The following MGMT variants were observed in gnomAD, a reference collection of about 807,000 sequenced individuals.
MGMT encodes methylated-DNA--protein-cysteine methyltransferase.
A neutral mutation model predicts 15.9 loss-of-function variants in MGMT; 14 were observed. The observed-to-expected ratio is 0.88, with a 90% CI of 0.58 to 1.37. The LOEUF is 1.37. MGMT is among the 40% of genes most tolerant of loss of function. The probability of loss-of-function intolerance (pLI) is 0.00; values close to 1 mark genes in which losing one functional copy is unlikely to be tolerated. For missense variants in MGMT, 282 were observed against 268.1 expected, an observed-to-expected ratio of 1.05 and a Z score of -0.36; for synonymous variants, 130 against 118.2, an observed-to-expected ratio of 1.10 and a Z score of -0.65.
intron 2 of MGMT, among the ~76,000 whole-genome samples, chr10:129,564,945 G>A (rs1396411710): frequency 1.3e-5 from 2 of 152,108 alleles, no homozygotes; most frequent in African/African-American, 2.4e-5. Context: ...GCTGGCGGAT[G>A]GCGCCATAAA....
chr10:129,523,544 G>T (rs1017409441), intron 1 of MGMT, among the ~76,000 whole-genome samples: 10 of 152,190 alleles, frequency 6.6e-5, no homozygotes, highest in African/African-American at 2.2e-4. Context: ...AGCCCATGCT[G>T]CTGGGAGGGC....
chr10:129,495,202 T>A (rs1189975206), intron 1 of MGMT, among the ~76,000 whole-genome samples: 2 of 152,242 alleles, frequency 1.3e-5, no homozygotes, highest in Non-Finnish European at 1.5e-5. Flanking sequence ...ATGAGACTAA[T>A]TATTTGAATT....
intron 2 of MGMT, among the ~76,000 whole-genome samples, chr10:129,697,734 G>A (rs990837920): frequency 2.4e-4 from 36 of 152,306 alleles, no homozygotes; most frequent in African/African-American, 8.7e-4. Flanking sequence ...GAGGCGCCAT[G>A]TTGCCTGGAA....
chr10:129,533,998 G>A lies in MGMT; in HGVS notation c.-12-2243G>A, dbSNP rs960622808. ...GGGTTGGGCTAAAATGTTGATCATG[G>A]TGGGAACAGTAGTGATCCCCAAATC... On this transcript the variant is annotated intron_variant, in intron 1 of 4. Transcript: ENST00000651593. This position sits in a 1 kb window ranked among gnomAD's most constrained non-coding sequence, Gnocchi z 4.5. Among the ~76,000 whole-genome samples the A allele has an allele frequency of 2.0e-5, 3 of 152,192 alleles. No homozygotes were observed. Among genetic ancestry groups the A allele is most frequent in the Non-Finnish European group, 4.4e-5 (3 of 68,046 alleles).
chr10:129,615,529 T>A (rs1847014955), intron 2 of MGMT, among the ~76,000 whole-genome samples: 2 of 152,334 alleles, frequency 1.3e-5, no homozygotes, highest in South Asian at 4.1e-4. Flanking sequence ...CCTTAGGACT[T>A]CTGAATCTGC....
intron 1 of MGMT, among the ~76,000 whole-genome samples, chr10:129,468,024 G>A (rs1845189233): frequency 6.6e-6 from 1 of 152,170 alleles, no homozygotes; most frequent in African/African-American, 2.4e-5. Context: ...TGCAACCTAT[G>A]CCTGCTGAGA....
chr10:129,527,422 G>A (rs116497846), intron 1 of MGMT, among the ~76,000 whole-genome samples: 10 of 152,176 alleles, frequency 6.6e-5, no homozygotes, highest in Admixed American at 6.5e-4. Flanking sequence ...GGGGCTGCCC[G>A]CTTTCCTTTG....
Position 129,768,457 on chromosome 10 carries a change from G to A in MGMT, c.*1460G>A, listed in dbSNP as rs1316929110. ...TTGCTCCTGGCAGGCCTCAGGTGCCGCACGCCGCGTCACCGTCAGGACTCG... is the reference window on the plus strand; with the variant it reads ...TTGCTCCTGGCAGGCCTCAGGTGCCACACGCCGCGTCACCGTCAGGACTCG... On this transcript the variant is annotated 3_prime_UTR_variant, in exon 5 of 5. Coordinates refer to ENST00000651593, the MANE Select transcript of MGMT (RefSeq NM_002412.5). Among the ~76,000 whole-genome samples the A allele has an allele frequency of 1.3e-5, 2 of 152,232 alleles. No homozygotes were observed. The highest frequency in any genetic ancestry group is 4.8e-5 in the African/African-American group (2 of 41,474).
rs962728556 is a variant in MGMT at position 129,667,194 on chromosome 10, G to A, written c.126-40701G>A. Among the ~76,000 whole-genome samples, 6 of 152,184 alleles carry A rather than the reference G, an allele frequency of 3.9e-5. No homozygotes were observed. The East Asian group carries it at 7.7e-4, about 20-fold the overall frequency. ...TGGCGGCCCCTCAGAACTCTGCCAC[G>A]TGTTTCTTCCCATCTTTTCCTGCTG... On this transcript the variant is annotated intron_variant, in intron 2 of 4. Coordinates refer to ENST00000651593, the MANE Select transcript of MGMT (RefSeq NM_002412.5).
At chr10:129,554,643 T>G (rs1165176157) in intron 2 of MGMT, among the ~76,000 whole-genome samples, 1 of 152,198 alleles carries the variant, frequency 6.6e-6, no homozygotes, top group Non-Finnish European at 1.5e-5. Context: ...CTTTTTTGTC[T>G]GTAACACCCC....
chr10:129,543,693 A>G (rs557938839), intron 2 of MGMT, among the ~76,000 whole-genome samples: 46 of 152,292 alleles, frequency 3.0e-4, no homozygotes, highest in African/African-American at 8.7e-4. Flanking sequence ...ATCTAAGAAA[A>G]AAAAAAGCAA....
At chr10:129,596,365 T>TA (rs1361134844) in intron 2 of MGMT, among the ~76,000 whole-genome samples, 6 of 152,228 alleles carry the variant, frequency 3.9e-5, no homozygotes, top group Non-Finnish European at 7.3e-5. Flanking sequence ...GTTCATAAAT[T>TA]GTTTATAAAT....
At chr10:129,720,242 G>C (rs184938387) in intron 3 of MGMT, among the ~76,000 whole-genome samples, 1 of 152,352 alleles carries the variant, frequency 6.6e-6, no homozygotes, top group Non-Finnish European at 1.5e-5. Context: ...TCACTGTTAA[G>C]CTCTAGGCCA....
chr10:129,545,665 G>T (rs564844936), intron 2 of MGMT, among the ~76,000 whole-genome samples: 8 of 152,098 alleles, frequency 5.3e-5, no homozygotes, highest in Non-Finnish European at 1.0e-4. Flanking sequence ...ACAACCGTCT[G>T]GCCTCTACGA....
intron 3 of MGMT, among the ~76,000 whole-genome samples, chr10:129,748,881 T>C (rs897480679): frequency 6.6e-6 from 1 of 152,208 alleles, no homozygotes; most frequent in African/African-American, 2.4e-5. Flanking sequence ...AAGCCCAGTA[T>C]ACATATAGAA....
At chr10:129,673,476 CTT>C (rs1847749375) in intron 2 of MGMT, among the ~76,000 whole-genome samples, 1 of 152,170 alleles carries the variant, frequency 6.6e-6, no homozygotes, top group Admixed American at 6.5e-5. Context: ...GTTAAGGTGT[CTT>C]CCTCGCAGTG....
chr10:129,620,196 T>A (rs1280089980), intron 2 of MGMT, among the ~76,000 whole-genome samples: 1 of 152,264 alleles, frequency 6.6e-6, no homozygotes, highest in African/African-American at 2.4e-5. Flanking sequence ...TAAGCAGCAT[T>A]CTACATGTTT....
intron 3 of MGMT, among the ~76,000 whole-genome samples, chr10:129,718,285 T>C (rs921818261): frequency 3.3e-5 from 5 of 152,224 alleles, no homozygotes; most frequent in African/African-American, 7.2e-5. Flanking sequence ...GTGAAGGCAG[T>C]GGCGCTTCGG....
At chr10:129,574,255 A>G (rs1846453625) in intron 2 of MGMT, among the ~76,000 whole-genome samples, 1 of 152,202 alleles carries the variant, frequency 6.6e-6, no homozygotes, top group African/African-American at 2.4e-5. Context: ...GAGCAAATAT[A>G]TGCTTTTCTG....
Sources: gnomAD v4.1 joint callset for allele counts (sites outside exome capture counted in the v4.1 genomes callset) on GRCh38, gnomAD v4.1.1 for gene constraint, Gnocchi (gnomAD v3.1) non-coding constraint, MANE v1.5 for transcripts, NCBI Gene and HGNC (gene_info 2026-07-23, HGNC 2026-07-21) for gene names.